NEDD9: variants seen among roughly 807,000 people sequenced by gnomAD.
NEDD9 encodes enhancer of filamentation 1.
Under a neutral mutation model 76.6 loss-of-function variants are expected in NEDD9, and 26 were observed. The observed-to-expected ratio is 0.34, with a 90% CI of 0.25 to 0.47. NEDD9 has a LOEUF of 0.47. Among genes scored for constraint, NEDD9 ranks in the 20% least tolerant of loss-of-function variants. The pLI is 1.00. For missense variants in NEDD9, 937 were observed against 1,058.5 expected (o/e 0.89, Z 1.59); for synonymous variants, 392 against 414.2 (o/e 0.95, Z 0.65).
At chr6:11,280,101 C>G (rs1232826328) in intron 3 of NEDD9, among the ~76,000 whole-genome samples, 1 of 152,208 alleles carries the variant, frequency 6.6e-6, no homozygotes, top group Non-Finnish European at 1.5e-5. Context: ...TCCCTGGTCT[C>G]TACCCTCTAG....
At chr6:11,360,614 C>G (rs1762663215) in intron 1 of NEDD9, among the ~76,000 whole-genome samples, 1 of 152,140 alleles carries the variant, frequency 6.6e-6, no homozygotes, top group Non-Finnish European at 1.5e-5. Flanking sequence ...CTGCTCCAGT[C>G]ATGGAAGATG....
intron 2 of NEDD9, among the ~76,000 whole-genome samples, chr6:11,326,592 G>T (rs886594229): frequency 6.6e-6 from 1 of 152,254 alleles, no homozygotes; most frequent in Admixed American, 6.5e-5. Context: ...GGCATGGGTG[G>T]TGTTTTACAT....
intron 3 of NEDD9, among the ~76,000 whole-genome samples, chr6:11,251,009 A>G (rs1256991623): frequency 3.3e-5 from 5 of 152,194 alleles, no homozygotes; most frequent in Non-Finnish European, 2.9e-5. Flanking sequence ...TTTCTGCTGT[A>G]AGGAGACTTA....
At chr6:11,242,486 C>T (rs947975353) in intron 3 of NEDD9, among the ~76,000 whole-genome samples, 3 of 152,088 alleles carry the variant, frequency 2.0e-5, no homozygotes, top group Non-Finnish European at 4.4e-5. Flanking sequence ...GCCCTCCTGG[C>T]CCTAGCTGAT....
intron 3 of NEDD9, among the ~76,000 whole-genome samples, chr6:11,267,150 C>T (rs773121423): frequency 1.3e-5 from 2 of 152,206 alleles, no homozygotes; most frequent in Non-Finnish European, 1.5e-5. Context: ...CCTTCAATCG[C>T]TTTTTCTGAA....
chr6:11,195,560 T>A (rs1758271773), intron 2 of NEDD9, among the ~76,000 whole-genome samples: 1 of 152,320 alleles, frequency 6.6e-6, no homozygotes, highest in South Asian at 2.1e-4. Context: ...GGCTTTATCA[T>A]AGCACCTGCT....
chr6:11,368,904 C>T (rs566894690), intron 1 of NEDD9, among the ~76,000 whole-genome samples: 1 of 152,272 alleles, frequency 6.6e-6, no homozygotes, highest in African/African-American at 2.4e-5. Context: ...TGTCAGATAC[C>T]ACTTTAGGTG....
intron 2 of NEDD9, among the ~76,000 whole-genome samples, chr6:11,320,495 G>C (rs1761771351): frequency 6.6e-6 from 1 of 152,194 alleles, no homozygotes; most frequent in Non-Finnish European, 1.5e-5. Flanking sequence ...TATCTATCCA[G>C]ACTGCAGGTG....
intron 2 of NEDD9, among the ~76,000 whole-genome samples, chr6:11,326,336 C>T (rs1761927432): frequency 6.6e-6 from 1 of 152,162 alleles, no homozygotes; most frequent in Non-Finnish European, 1.5e-5. Context: ...TGCTGTGGGA[C>T]TCCACCAAAA....
chr6:11,378,496 C>T (rs1223370906), intron 1 of NEDD9, among the ~76,000 whole-genome samples: 1 of 152,168 alleles, frequency 6.6e-6, no homozygotes, highest in Non-Finnish European at 1.5e-5. Flanking sequence ...ACCCAGTGGG[C>T]ATTGGGAGAG....
At chr6:11,376,333 T>C (rs1582057178) in intron 1 of NEDD9, among the ~76,000 whole-genome samples, 2 of 152,104 alleles carry the variant, frequency 1.3e-5, no homozygotes, top group South Asian at 2.1e-4. Flanking sequence ...TGAGGGAAAG[T>C]TTGGAACTTC....
chr6:11,319,468 A>G (rs1478579015), intron 2 of NEDD9, among the ~76,000 whole-genome samples: 4 of 151,388 alleles, frequency 2.6e-5, no homozygotes, highest in Non-Finnish European at 5.9e-5. Context: ...ACTGGTACAC[A>G]CTCACACTAA....
chr6:11,278,157 C>G (rs1760454202), intron 3 of NEDD9, among the ~76,000 whole-genome samples: 1 of 152,190 alleles, frequency 6.6e-6, no homozygotes, highest in Non-Finnish European at 1.5e-5. Flanking sequence ...CCAGGCTAGT[C>G]AAGCTTCTCA....
Position 11,316,072 on chromosome 6 carries a change from G to A in NEDD9, c.-152-9917C>T, listed in dbSNP as rs1206145006. On this transcript the variant is annotated intron_variant, in intron 2 of 3. Transcript: ENST00000397378. ...TTTTTAGGAATCTCCTGGCAGAAGA[G>A]CATTGTTTGTGGCACCTTCCACTTC... is the stretch of plus-strand genomic sequence containing the variant. Among the ~76,000 whole-genome samples the A allele has an allele frequency of 3.3e-5, 5 of 152,350 alleles. No homozygotes were observed. The East Asian group carries it at 7.7e-4, about 23-fold the overall frequency.
At chr6:11,194,270 A>G (rs951199756) in intron 2 of NEDD9, among the ~76,000 whole-genome samples, 4 of 152,184 alleles carry the variant, frequency 2.6e-5, no homozygotes, top group Admixed American at 1.3e-4. Flanking sequence ...GAGTTGATGC[A>G]CTGCAAGCAT....
At chr6:11,296,941 C>A (rs1760909666) in intron 3 of NEDD9, among the ~76,000 whole-genome samples, 1 of 152,134 alleles carries the variant, frequency 6.6e-6, no homozygotes, top group Non-Finnish European at 1.5e-5. Flanking sequence ...CTTGCCCAGG[C>A]TAGTCTTGAA....
At chr6:11,216,603 C>T (rs551024276) in intron 1 of NEDD9, among the ~76,000 whole-genome samples, 4 of 152,280 alleles carry the variant, frequency 2.6e-5, no homozygotes, top group South Asian at 2.1e-4. Context: ...TGAAGAGGAG[C>T]GGTTCTTCTT....
rs867196551 is a variant in NEDD9, at chr6:11,270,794, G to C, written c.12+35198C>G. Among the ~76,000 whole-genome samples, 4 of 152,328 alleles carry C rather than the reference G, an allele frequency of 2.6e-5. No individual in the cohort carries two copies. The South Asian group carries it at 8.3e-4, about 32-fold the overall frequency. Reference sequence around the variant, plus strand: ...GTCTAGCAGGACAGACAAACCCAAAGAGACAGTTGAGGCTCCAAAGAGGGA... The same window carrying C: ...GTCTAGCAGGACAGACAAACCCAAACAGACAGTTGAGGCTCCAAAGAGGGA... On this transcript the variant is annotated intron_variant, in intron 3 of 3. Transcript: ENST00000397378.
chr6:11,333,709 A>T (rs930347816), intron 2 of NEDD9, among the ~76,000 whole-genome samples: 2 of 152,208 alleles, frequency 1.3e-5, no homozygotes, highest in Admixed American at 6.5e-5. Context: ...GGCAGCCTGC[A>T]GCTGTGTTTA....
Sources: allele counts gnomAD v4.1 joint callset (sites outside exome capture counted in the v4.1 genomes callset), GRCh38; gene constraint gnomAD v4.1.1; transcripts MANE v1.5; gene names NCBI Gene and HGNC (gene_info 2026-07-23, HGNC 2026-07-21).